Variants in KIFAP3 observed in about 807,000 individuals in gnomAD.
KIFAP3 encodes kinesin-associated protein 3.
KIFAP3 carries 68 observed loss-of-function variants against 106.5 expected under a neutral mutation model. The observed-to-expected ratio is 0.64, with a 90% CI of 0.53 to 0.78. KIFAP3 has a LOEUF of 0.78. Among genes scored for constraint, KIFAP3 ranks in the 30% least tolerant of loss-of-function variants. KIFAP3 has a pLI of 0.00. For synonymous variants in KIFAP3, 320 were observed against 311.5 expected (o/e 1.03, Z -0.29); for missense variants, 780 against 941.8 (o/e 0.83, Z 2.25).
intron 18 of KIFAP3, chr1:169,957,837 G>A (rs1193136503): frequency 6.6e-6 from 1 of 152,264 alleles, no homozygotes; most frequent in Non-Finnish European, 1.5e-5. Flanking sequence ...ATGTTGGCTA[G>A]GCTGGTCTCG....
intron 1 of KIFAP3, among the ~76,000 whole-genome samples, chr1:170,059,616 A>G (rs1265113991): frequency 6.6e-6 from 1 of 152,338 alleles, no homozygotes; most frequent in East Asian, 1.9e-4. Context: ...ATTCCTTCTG[A>G]AACTATTCCA....
chr1:170,021,595 A>C (rs2102015670), intron 9 of KIFAP3, among the ~76,000 whole-genome samples: 1 of 151,776 alleles, frequency 6.6e-6, no homozygotes. Flanking sequence ...GTGTGCTACC[A>C]CACCTGGCTA....
intron 6 of KIFAP3, among the ~76,000 whole-genome samples, chr1:170,034,921 A>G (rs564515306): frequency 1.1e-4 from 16 of 152,016 alleles, no homozygotes; most frequent in Admixed American, 2.6e-4. Flanking sequence ...CATTAATCCA[A>G]GTATTTATTC....
chr1:169,992,417 A>G (rs898057890), intron 10 of KIFAP3, among the ~76,000 whole-genome samples, 162 bp from the exon 11 acceptor site: 1 of 152,204 alleles, frequency 6.6e-6, no homozygotes, highest in African/African-American at 2.4e-5. Flanking sequence ...ATTTAGAGCA[A>G]GCATATTCAT....
chr1:169,969,488 A>T (rs948536462), intron 17 of KIFAP3, among the ~76,000 whole-genome samples: 1 of 152,064 alleles, frequency 6.6e-6, no homozygotes, highest in African/African-American at 2.4e-5. Flanking sequence ...GTCTGTCTGG[A>T]ATGAAGGTAG....
At chr1:170,079,202 CAAA>C (rs1233594524), upstream of KIFAP3, among the ~76,000 whole-genome samples, 1 of 152,018 alleles carries the variant, frequency 6.6e-6, no homozygotes, top group Non-Finnish European at 1.5e-5. Context: ...AGCTGGTTGA[CAAA>C]AAGAGCCTAG....
intron 2 of KIFAP3, among the ~76,000 whole-genome samples, chr1:170,047,618 C>T (rs1670327204): frequency 1.2e-5 from 1 of 82,836 alleles, no homozygotes; most frequent in Non-Finnish European, 2.1e-5. Context: ...GAGGCTCTGT[C>T]TCAAAAAAAA....
chr1:169,963,770 A>G (rs1215720549), intron 17 of KIFAP3, among the ~76,000 whole-genome samples: 1 of 152,192 alleles, frequency 6.6e-6, no homozygotes, highest in Non-Finnish European at 1.5e-5. Context: ...CTGGGATTAC[A>G]GGCGTGAGCC....
intron 2 of KIFAP3, among the ~76,000 whole-genome samples, chr1:170,047,620 CAAAAAAAAAAAAAAAA>C (rs1165754265): frequency 2.2e-5 from 1 of 46,196 alleles, no homozygotes; most frequent in East Asian, 7.1e-4. Context: ...GGCTCTGTCT[CAAAAAAAAAAAAAAAA>C]AAAAAAAAGT....
upstream of KIFAP3, chr1:170,074,706 G>C: frequency 7.1e-7 from 1 of 1,400,786 alleles, no homozygotes; most frequent in Non-Finnish European, 9.3e-7. Context: ...AAGCCGGGCC[G>C]TCACGACGCA....
At chr1:170,004,972 A>G (rs1421965749) in intron 10 of KIFAP3, among the ~76,000 whole-genome samples, 2 of 152,162 alleles carry the variant, frequency 1.3e-5, no homozygotes, top group East Asian at 3.8e-4. Flanking sequence ...ACAAAGGGCT[A>G]ATATCCAGAA....
intron 10 of KIFAP3, among the ~76,000 whole-genome samples, chr1:170,014,714 T>TAA (rs1223090802): frequency 2.0e-5 from 3 of 152,148 alleles, no homozygotes; most frequent in African/African-American, 7.2e-5. Flanking sequence ...AATTACCTGG[T>TAA]TTGTCAACAA....
chr1:170,018,264 C>T (rs540157083), intron 9 of KIFAP3, among the ~76,000 whole-genome samples: 2 of 152,218 alleles, frequency 1.3e-5, no homozygotes, highest in Admixed American at 1.3e-4. Flanking sequence ...TTAGTAGTTG[C>T]AAGACAGATC....
Position 170,021,740 on chromosome 1 carries a change from C to T in KIFAP3, c.1020+2678G>A, listed in dbSNP as rs571210538. Reference sequence around the variant, plus strand: ...CAGATGTGAGCCACCACACCCAGCCCGTTATTAATTTGTATTTCTATTGCA... The same window carrying T: ...CAGATGTGAGCCACCACACCCAGCCTGTTATTAATTTGTATTTCTATTGCA... On this transcript the variant is annotated intron_variant, in intron 9 of 19. Transcript: ENST00000361580. Among the ~76,000 whole-genome samples, 9 of 151,360 alleles carry T rather than the reference C, an allele frequency of 5.9e-5. No individual in the cohort carries two copies. In the East Asian group the frequency reaches 1.2e-3, roughly 20 times the overall value.
intron 10 of KIFAP3, among the ~76,000 whole-genome samples, chr1:170,005,527 A>AT (rs1303455050): frequency 6.6e-6 from 1 of 152,100 alleles, no homozygotes; most frequent in Non-Finnish European, 1.5e-5. Flanking sequence ...CTATGCAGCC[A>AT]TAAAAAATGA....
chr1:170,006,688 A>G (rs1013501605), intron 10 of KIFAP3, among the ~76,000 whole-genome samples: 14 of 152,190 alleles, frequency 9.2e-5, no homozygotes, highest in African/African-American at 3.1e-4. Flanking sequence ...ATTTACTGAC[A>G]TGAGAAAGAC....
At chr1:169,973,122 T>TATATATATATATATATATAA (rs1337198179) in intron 16 of KIFAP3, among the ~76,000 whole-genome samples, 3 of 138,576 alleles carry the variant, frequency 2.2e-5, no homozygotes, top group African/African-American at 8.2e-5. Context: ...TATATATATA[T>TATATATATATATATATATAA]AAACAACACA....
At chr1:169,997,934 C>G (rs561130563) in intron 10 of KIFAP3, among the ~76,000 whole-genome samples, 62 of 146,532 alleles carry the variant, frequency 4.2e-4, no homozygotes, top group African/African-American at 1.2e-3. Flanking sequence ...AAAATTTAGG[C>G]TTAGGAGAAT....
Position 170,039,260 on chromosome 1 carries a change from T to C in KIFAP3, c.348A>G (p.Lys116=). Residue 116 remains lysine, a synonymous_variant, in exon 4 of 20, where the codon AAA becomes AAG. Coordinates refer to ENST00000361580, the MANE Select transcript of KIFAP3 (RefSeq NM_014970.4). ...CCATTCCTTCAAAAGGAGGTGGATC[T>C]TTAGGCTTGCTTGATTTTTCTTTTT... The part of the protein sequence containing the change: ...KEKKEKSSKP[K]DPPPFEGMEI... 6.2e-7 allele frequency: 1 copy of C among 1,601,898 alleles called. No homozygotes were observed. Among genetic ancestry groups the C allele is most frequent in the South Asian group, 1.1e-5 (1 of 89,116 alleles).
Sources: gnomAD v4.1 joint callset for allele counts (sites outside exome capture counted in the v4.1 genomes callset) on GRCh38, gnomAD v4.1.1 for gene constraint, MANE v1.5 for transcripts, NCBI Gene and HGNC (gene_info 2026-07-23, HGNC 2026-07-21) for gene names.